Variants in ANKS6 observed in about 807,000 individuals in gnomAD.
ANKS6 encodes ankyrin repeat and sterile alpha motif domain containing 6, also known as ankyrin repeat and SAM domain-containing protein 6.
A neutral mutation model predicts 77.9 loss-of-function variants in ANKS6; 47 were observed. The observed-to-expected ratio is 0.60, with a 90% confidence interval of 0.48 to 0.77. ANKS6 has a LOEUF of 0.77. ANKS6 is among the 30% of genes least tolerant of loss of function. The probability of loss-of-function intolerance (pLI) is 0.00; values close to 1 mark genes in which losing one functional copy is unlikely to be tolerated. For synonymous variants in ANKS6, 488 were observed against 501.7 expected, an observed-to-expected ratio of 0.97 and a Z score of 0.37; for missense variants, 1,150 against 1,159.1, an observed-to-expected ratio of 0.99 and a Z score of 0.11.
At chr9:98,782,104 C>T (rs1205473267) in intron 5 of ANKS6, among the ~76,000 whole-genome samples, 1 of 152,186 alleles carries the variant, frequency 6.6e-6, no homozygotes, top group Non-Finnish European at 1.5e-5. Context: ...TTCTGCTTAT[C>T]AAAGGGGACT....
At chr9:98,740,213 A>C (rs1831749011) in intron 14 of ANKS6, among the ~76,000 whole-genome samples, 1 of 152,070 alleles carries the variant, frequency 6.6e-6, no homozygotes, top group Admixed American at 6.5e-5. Context: ...CCAGACCCCC[A>C]CACAGACACC....
At chr9:98,745,473 GAAGT>G in intron 14 of ANKS6, 82 bp downstream of exon 14, 1 of 1,281,202 alleles carries the variant, frequency 7.8e-7, no homozygotes. Flanking sequence ...TCAGAGAGAG[GAAGT>G]AAGACCTTCC....
At chr9:98,756,796 C>A (rs1588351371) in intron 11 of ANKS6, among the ~76,000 whole-genome samples, 193 bp from the exon 12 acceptor site, 2 of 152,208 alleles carry the variant, frequency 1.3e-5, no homozygotes, top group African/African-American at 4.8e-5. Context: ...AAATGCAACC[C>A]TGGAGCAGAG....
At chr9:98,739,704 TG>T (rs1477341168) in intron 14 of ANKS6, among the ~76,000 whole-genome samples, 1 of 151,396 alleles carries the variant, frequency 6.6e-6, no homozygotes, top group Non-Finnish European at 1.5e-5. Flanking sequence ...AGACCCTGTG[TG>T]GGTAGCTGGA....
intron 3 of ANKS6, chr9:98,784,419 T>A: frequency 2.6e-6 from 1 of 390,838 alleles, no homozygotes; most frequent in South Asian, 6.2e-5. Flanking sequence ...AGAGAACGGA[T>A]GAAGGAGACA....
At position 98,796,028 on chromosome 9, in the gene ANKS6, G is replaced by A. The variant is rs1447323475; in HGVS notation, c.359+105C>T. ...AAGTTTACCATTCCAACTCTAAGGAGTCCTTAACTCTTCACCTCCCGGGGC... is the reference window on the plus strand; with the variant it reads ...AAGTTTACCATTCCAACTCTAAGGAATCCTTAACTCTTCACCTCCCGGGGC... On this transcript the variant is annotated intron_variant, in intron 1 of 14. Transcript: ENST00000353234. The A allele has an allele frequency of 3.6e-6, 4 of 1,120,710 alleles. No homozygotes were observed. In the Admixed American group the frequency reaches 1.3e-4, roughly 36 times the overall value. The allele number at this position is 1,120,710 out of a possible 1,614,324, so 69.4% of individuals were successfully genotyped here.
intron 11 of ANKS6, among the ~76,000 whole-genome samples, chr9:98,763,704 T>A (rs922661918): frequency 1.3e-5 from 2 of 151,558 alleles, no homozygotes; most frequent in Admixed American, 1.3e-4. Flanking sequence ...TTTGAAAACA[T>A]CAATAAAATT....
chr9:98,756,370 T>C, intron 12 of ANKS6, 50 bp downstream of exon 12: 2 of 1,581,032 alleles, frequency 1.3e-6, no homozygotes, highest in Non-Finnish European at 1.7e-6. Context: ...TGCTGCCAGG[T>C]CATCATGGTG....
At chr9:98,780,653 G>C (rs1834196060) in intron 5 of ANKS6, among the ~76,000 whole-genome samples, 1 of 152,238 alleles carries the variant, frequency 6.6e-6, no homozygotes, top group African/African-American at 2.4e-5. Flanking sequence ...TCCCTCCCTG[G>C]CTGTGTAACT....
In ANKS6 at chr9:98,734,043, G is replaced by T. The variant is rs896072828; in HGVS notation, c.*2476C>A. 2.0e-6 allele frequency: 2 copies of T among 985,338 alleles called. No individual in the cohort carries two copies. Among genetic ancestry groups the T allele is most frequent in the South Asian group, 4.7e-5 (1 of 21,268 alleles). 61.0% of individuals were successfully genotyped at this position (985,338 alleles called of 1,614,324 possible). On this transcript the variant is annotated 3_prime_UTR_variant, in exon 15 of 15. Coordinates refer to ENST00000353234, the MANE Select transcript of ANKS6 (RefSeq NM_173551.5). ...ACCCAACTGACCCCTCCTCCCTGAC[G>T]ATCTATAACCTACATGTTCCGTGCT...
At chr9:98,749,808 G>A (rs1199348032) in intron 13 of ANKS6, among the ~76,000 whole-genome samples, 1 of 152,158 alleles carries the variant, frequency 6.6e-6, no homozygotes, top group African/African-American at 2.4e-5. Flanking sequence ...TTTGTTTCTT[G>A]AACTAAAATA....
intron 11 of ANKS6, among the ~76,000 whole-genome samples, chr9:98,757,013 C>T (rs1832747350): frequency 6.6e-6 from 1 of 152,026 alleles, no homozygotes; most frequent in Non-Finnish European, 1.5e-5. Flanking sequence ...GCTCTTGATG[C>T]TCCTTCATCT....
At chr9:98,783,877 A>G in intron 4 of ANKS6, 76 bp downstream of exon 4, 2 of 1,322,436 alleles carry the variant, frequency 1.5e-6, no homozygotes, top group Non-Finnish European at 2.0e-6. Flanking sequence ...GGACCAGAAG[A>G]GCCCATTGGG....
Position 98,780,278 on chromosome 9 carries a change from G to A in ANKS6, c.1279C>T (p.Arg427Trp), listed in dbSNP as rs776086511. The A allele has an allele frequency of 3.7e-5, 59 of 1,611,450 alleles. No individual in the cohort carries two copies. In the Admixed American group the frequency reaches 4.5e-4, roughly 12 times the overall value. Residue 427 changes from arginine to tryptophan, a missense_variant, in exon 6 of 15, where the codon CGG becomes TGG. By Grantham distance (101) the Arg-to-Trp change is moderately radical (BLOSUM62 -3). Coordinates refer to ENST00000353234, the MANE Select transcript of ANKS6 (RefSeq NM_173551.5). ...GGCAGGGGAGGCTGGTGGCTCGGCC[G>A]GCCTTTGTCTTTATTCACCTGCATG... Reference protein sequence around the residue: ...VCMQVNKDKGRPSHQPPLPHS... With the variant: ...VCMQVNKDKGWPSHQPPLPHS...
intron 1 of ANKS6, among the ~76,000 whole-genome samples, chr9:98,792,092 C>T (rs1394887988): frequency 6.6e-6 from 1 of 152,106 alleles, no homozygotes; most frequent in African/African-American, 2.4e-5. Context: ...TTCTGATTGC[C>T]GAAGACCTGA....
chr9:98,790,012 T>C, intron 2 of ANKS6, 92 bp downstream of exon 2: 1 of 1,478,852 alleles, frequency 6.8e-7, no homozygotes. Context: ...CTCTGAGTTC[T>C]GCGTGTCCTT....
chr9:98,737,094 T>C (rs958055496), intron 14 of ANKS6, among the ~76,000 whole-genome samples: 1 of 152,196 alleles, frequency 6.6e-6, no homozygotes, highest in African/African-American at 2.4e-5. Flanking sequence ...AGAGATTCAC[T>C]TCTCACTCTA....
At chr9:98,788,425 G>A (rs964402483) in intron 2 of ANKS6, among the ~76,000 whole-genome samples, 1 of 147,476 alleles carries the variant, frequency 6.8e-6, no homozygotes, top group African/African-American at 2.4e-5. Flanking sequence ...CAGGTGTGCT[G>A]GGCACGGCAG....
At chr9:98,784,463 C>T (rs771610610) in intron 3 of ANKS6, 1 of 398,840 alleles carries the variant, frequency 2.5e-6, no homozygotes, top group Non-Finnish European at 4.5e-6. Context: ...GGTCTCGCTG[C>T]GGGGTGAGGA....
Sources: gnomAD v4.1 joint callset for allele counts (sites outside exome capture counted in the v4.1 genomes callset) on GRCh38, gnomAD v4.1.1 for gene constraint, MANE v1.5 for transcripts, NCBI Gene and HGNC (gene_info 2026-07-23, HGNC 2026-07-21) for gene names.